The following MAP4K3 variants were observed in gnomAD, a reference collection of about 807,000 sequenced individuals.
MAP4K3 encodes MAPK/ERK kinase kinase kinase 3.
A neutral mutation model predicts 143.5 loss-of-function variants in MAP4K3; 94 were observed. The ratio of observed to expected loss-of-function variants is 0.65; its 90% confidence interval spans 0.55 to 0.78. MAP4K3 has a LOEUF of 0.78. Ranked by LOEUF, MAP4K3 falls within the 30% of genes least tolerant of loss-of-function variation. MAP4K3 has a pLI of 0.00. For synonymous variants in MAP4K3, 416 were observed against 347.2 expected (o/e 1.20, Z -2.20); for missense variants, 1,077 against 1,068.1 (o/e 1.01, Z -0.12).
chr2:39,411,506 AC>A (rs1446952930), intron 1 of MAP4K3, among the ~76,000 whole-genome samples: 2 of 152,206 alleles, frequency 1.3e-5, no homozygotes, highest in Admixed American at 1.3e-4. Flanking sequence ...GGGTACAGGG[AC>A]ACAAAGATAT....
chr2:39,251,189 A>G (rs1214977720), intron 33 of MAP4K3, among the ~76,000 whole-genome samples: 2 of 152,212 alleles, frequency 1.3e-5, no homozygotes, highest in Non-Finnish European at 2.9e-5. Flanking sequence ...GCATTTATTC[A>G]GCACAGATTT....
chr2:39,293,610 A>C (rs922464807), intron 16 of MAP4K3, among the ~76,000 whole-genome samples: 4 of 152,186 alleles, frequency 2.6e-5, no homozygotes, highest in Admixed American at 6.5e-5. Flanking sequence ...CATAGCCAGG[A>C]GTCTCCAGGA....
intron 13 of MAP4K3, 61 bp downstream of exon 13, chr2:39,315,249 T>A (rs576520327): frequency 8.5e-6 from 10 of 1,177,972 alleles, no homozygotes; most frequent in Non-Finnish European, 1.1e-5. Context: ...AAAATAACTG[T>A]AACTAAATTA....
intron 24 of MAP4K3, among the ~76,000 whole-genome samples, chr2:39,274,863 G>A (rs1323582062): frequency 6.6e-6 from 1 of 152,130 alleles, no homozygotes; most frequent in East Asian, 1.9e-4. Context: ...AATAATAAAA[G>A]CAGATAAAAA....
At chr2:39,272,083 CTGATA>C in intron 26 of MAP4K3, 195 bp downstream of exon 26, 4 of 409,156 alleles carry the variant, frequency 9.8e-6, no homozygotes, top group South Asian at 6.9e-5. Flanking sequence ...GAGAAAATGT[CTGATA>C]TAATTTGAAA....
chr2:39,282,673 C>G (rs1681589276), intron 21 of MAP4K3, 119 bp from the exon 22 acceptor site: 7 of 695,564 alleles, frequency 1.0e-5, no homozygotes, highest in Middle Eastern at 3.9e-4. Flanking sequence ...TAAAACAAAA[C>G]ATTACAGTTA....
intron 2 of MAP4K3, among the ~76,000 whole-genome samples, chr2:39,369,420 T>C (rs1359692391): frequency 6.6e-6 from 1 of 152,022 alleles, no homozygotes; most frequent in Non-Finnish European, 1.5e-5. Context: ...GTGCTGGGAT[T>C]ACAGGCGTGA....
intron 1 of MAP4K3, among the ~76,000 whole-genome samples, chr2:39,426,877 C>G (rs1043809526): frequency 6.6e-6 from 1 of 151,830 alleles, no homozygotes; most frequent in South Asian, 2.1e-4. Context: ...ACAACACGAG[C>G]TCTAAAGAGA....
At chr2:39,393,364 T>C (rs1226583566) in intron 1 of MAP4K3, among the ~76,000 whole-genome samples, 2 of 152,180 alleles carry the variant, frequency 1.3e-5, no homozygotes, top group Non-Finnish European at 2.9e-5. Flanking sequence ...TTAGAAGCCT[T>C]TTACTTAAGA....
At chr2:39,370,986 C>G (rs1666065936) in intron 2 of MAP4K3, among the ~76,000 whole-genome samples, 1 of 152,134 alleles carries the variant, frequency 6.6e-6, no homozygotes, top group South Asian at 2.1e-4. Context: ...TACTAGCAAG[C>G]TCTGCCATAG....
Position 39,288,125 on chromosome 2 carries a change from G to C in MAP4K3, c.1470C>G (p.Ala490=). The part of the protein sequence containing the change: ...PPRLPPHKPV[A]LGNGMSSFQL... ...GCTGTCACCCTCCACCATTACCTAA[G>C]GCAACAGGTTTGTGTGGGGGTAATC... The change falls in exon 20 of 34, where the codon GCC becomes GCG. Residue 490 remains alanine, a synonymous_variant. Transcript: ENST00000263881. The C allele has an allele frequency of 6.2e-7, 1 of 1,613,922 alleles. No individual in the cohort carries two copies. Among genetic ancestry groups the C allele is most frequent in the Non-Finnish European group, 8.5e-7 (1 of 1,179,928 alleles).
At chr2:39,359,696 C>A (rs1665711840) in intron 2 of MAP4K3, among the ~76,000 whole-genome samples, 1 of 152,256 alleles carries the variant, frequency 6.6e-6, no homozygotes, top group African/African-American at 2.4e-5. Flanking sequence ...GGTTCTCAAA[C>A]CTCAGTTCTT....
At chr2:39,328,119 T>A (rs1295971989) in intron 8 of MAP4K3, among the ~76,000 whole-genome samples, 1 of 152,158 alleles carries the variant, frequency 6.6e-6, no homozygotes, top group Non-Finnish European at 1.5e-5. Context: ...TGGTTTGAGC[T>A]CAGGAGTTTG....
rs532533661 is a variant in MAP4K3, at chr2:39,428,544, C to T, written c.96+8348G>A. ...ACAAAAAATTAGCTGGGCGTGGTGA[C>T]GGGTGCCTGTAATCCCAGCTACTCG... On this transcript the variant is annotated intron_variant, in intron 1 of 33. Transcript: ENST00000263881. 4.0e-4 allele frequency among the ~76,000 whole-genome samples: 60 copies of T among 151,698 alleles called. 1 individual carries two copies. In the South Asian group the frequency reaches 7.7e-3, roughly 19 times the overall value.
intron 2 of MAP4K3, among the ~76,000 whole-genome samples, chr2:39,371,696 T>G (rs1666084096): frequency 6.6e-6 from 1 of 151,710 alleles, no homozygotes; most frequent in South Asian, 2.1e-4. Flanking sequence ...AAAAAGATAT[T>G]CCACGCCAAT....
At chr2:39,272,427 A>C (rs779964667) in intron 25 of MAP4K3, 27 bp from the exon 26 acceptor site, 1 of 1,601,682 alleles carries the variant, frequency 6.2e-7, no homozygotes, top group Non-Finnish European at 8.6e-7. Context: ...ATATGACATA[A>C]AAGCTAATAA....
At chr2:39,358,748 A>G (rs1665681483) in intron 2 of MAP4K3, among the ~76,000 whole-genome samples, 1 of 152,256 alleles carries the variant, frequency 6.6e-6, no homozygotes, top group African/African-American at 2.4e-5. Context: ...AAAGGATTTA[A>G]AGAACTTTGT....
chr2:39,417,331 GGCCTCA>G (rs1667411308), intron 1 of MAP4K3, among the ~76,000 whole-genome samples: 1 of 151,124 alleles, frequency 6.6e-6, no homozygotes, highest in South Asian at 2.1e-4. Context: ...GCCATTCTCC[GGCCTCA>G]GCCTCCTGAA....
Position 39,258,530 on chromosome 2 carries a change from ACAAG to A in MAP4K3, c.2362_2365del (p.Leu788TyrfsTer7). ...AAATAAAAACTTACAGTCCAAGCATACAAGGATGGTATCTCTCTCCAGTTGGGTT... is the reference window on the plus strand; with the variant it reads ...AAATAAAAACTTACAGTCCAAGCATAGATGGTATCTCTCTCCAGTTGGGTT... On this transcript the variant is annotated frameshift_variant, in exon 30 of 34. Transcript: ENST00000263881. LOFTEE classifies it high-confidence loss of function. The A allele has an allele frequency of 6.2e-7, 1 of 1,613,246 alleles. No individual in the cohort carries two copies. Among genetic ancestry groups the A allele is most frequent in the Non-Finnish European group, 8.5e-7 (1 of 1,179,164 alleles).
Sources: gnomAD v4.1 joint callset for allele counts (sites outside exome capture counted in the v4.1 genomes callset) on GRCh38, gnomAD v4.1.1 for gene constraint, MANE v1.5 for transcripts, NCBI Gene and HGNC (gene_info 2026-07-23, HGNC 2026-07-21) for gene names.